The following RIMS1 variants were observed in gnomAD, a reference collection of about 807,000 sequenced individuals.
RIMS1 encodes regulating synaptic membrane exocytosis protein 1.
Under a neutral mutation model 214.1 loss-of-function variants are expected in RIMS1, and 83 were observed. The observed-to-expected ratio is 0.39, with a 90% CI of 0.32 to 0.47. The LOEUF (loss-of-function observed/expected upper bound fraction) is 0.47, where lower values mean the gene tolerates loss of function less well. Among genes scored for constraint, RIMS1 ranks in the 20% least tolerant of loss-of-function variants. RIMS1 has a pLI of 0.99. For missense variants in RIMS1, 2,050 were observed against 2,161.8 expected (o/e 0.95, Z 1.03); for synonymous variants, 793 against 786.8 (o/e 1.01, Z -0.13).
chr6:72,296,583 A>G (rs1301649764), intron 26 of RIMS1, among the ~76,000 whole-genome samples: 3 of 151,964 alleles, frequency 2.0e-5, no homozygotes, highest in East Asian at 3.8e-4. Context: ...CCCTACAGTC[A>G]TATGCTGCCC....
At chr6:71,906,526 A>G (rs1288695631) in intron 1 of RIMS1, among the ~76,000 whole-genome samples, 1 of 152,194 alleles carries the variant, frequency 6.6e-6, no homozygotes, top group Non-Finnish European at 1.5e-5. Flanking sequence ...CAGAACTGGG[A>G]AACAAAGTTA....
intron 2 of RIMS1, among the ~76,000 whole-genome samples, chr6:72,024,313 T>C (rs574879677): frequency 2.6e-5 from 4 of 152,308 alleles, no homozygotes; most frequent in Admixed American, 6.5e-5. Context: ...TAGTTTTCTC[T>C]AGCAAGATGC....
chr6:71,964,864 G>A (rs1793992487), intron 1 of RIMS1, among the ~76,000 whole-genome samples: 1 of 152,150 alleles, frequency 6.6e-6, no homozygotes. Context: ...TTGAAGAATG[G>A]CATGAAGCAC....
chr6:72,244,622 G>T (rs1309202969), intron 10 of RIMS1, among the ~76,000 whole-genome samples: 2 of 151,450 alleles, frequency 1.3e-5, no homozygotes, highest in Admixed American at 1.3e-4. Flanking sequence ...TGTGTTTTGG[G>T]TATTGTAAAT....
rs1219641063 is a variant in RIMS1 at position 72,163,007 on chromosome 6, C to T, written c.472-16568C>T. Among the ~76,000 whole-genome samples, 7 of 131,198 alleles carry T rather than the reference C, an allele frequency of 5.3e-5. 2 individuals are homozygous for T. Among genetic ancestry groups the T allele is most frequent in the Admixed American group, 3.8e-4 (5 of 13,090 alleles). The allele number at this position is 131,198 out of a possible 152,430, so 86.1% of individuals were successfully genotyped here. A position where few individuals can be genotyped will look rare whatever the true frequency, so the allele number is the denominator to read the frequency against. On this transcript the variant is annotated intron_variant, in intron 4 of 33. Coordinates refer to ENST00000521978, the MANE Select transcript of RIMS1 (RefSeq NM_014989.7). ...TTTTCCAACTTGGTTCCATGCTCCC[C>T]GTGACTTTCAGGTATACCTATCAGA... is the stretch of plus-strand genomic sequence containing the variant.
chr6:72,023,184 T>G (rs774679035), intron 2 of RIMS1, among the ~76,000 whole-genome samples: 3 of 152,166 alleles, frequency 2.0e-5, no homozygotes, highest in Non-Finnish European at 4.4e-5. Context: ...ATTACCCAAA[T>G]CATGCAAAAG....
chr6:71,926,777 T>A (rs2150840814), intron 1 of RIMS1, among the ~76,000 whole-genome samples: 1 of 152,310 alleles, frequency 6.6e-6, no homozygotes, highest in Middle Eastern at 3.4e-3. Context: ...ATGATGTGAA[T>A]TTTAACTACA....
intron 8 of RIMS1, among the ~76,000 whole-genome samples, chr6:72,236,573 A>C (rs988837805): frequency 6.6e-6 from 1 of 152,104 alleles, no homozygotes; most frequent in Non-Finnish European, 1.5e-5. Flanking sequence ...TTTAATGTAA[A>C]CAGTGTCAAA....
At chr6:72,110,078 A>T (rs2035719465) in intron 4 of RIMS1, among the ~76,000 whole-genome samples, 2 of 152,164 alleles carry the variant, frequency 1.3e-5, no homozygotes, top group Admixed American at 1.3e-4. Context: ...TTTTGGTACC[A>T]GTAGCATGCT....
At chr6:72,136,589 T>C (rs929971892) in intron 4 of RIMS1, among the ~76,000 whole-genome samples, 2 of 152,096 alleles carry the variant, frequency 1.3e-5, no homozygotes, top group African/African-American at 4.8e-5. Flanking sequence ...TAACAAATTT[T>C]TGGACGTGAA....
At chr6:72,008,838 C>A (rs1015518319) in intron 2 of RIMS1, among the ~76,000 whole-genome samples, 1 of 150,998 alleles carries the variant, frequency 6.6e-6, no homozygotes, top group Admixed American at 6.6e-5. Flanking sequence ...TCCTTAGAGA[C>A]CTACAAAGAG....
chr6:72,387,226 A>G (rs1264062747), intron 29 of RIMS1, among the ~76,000 whole-genome samples: 1 of 152,218 alleles, frequency 6.6e-6, no homozygotes, highest in East Asian at 1.9e-4. Flanking sequence ...TGAACCCGCC[A>G]TATTGTTGAT....
At chr6:71,914,674 G>A (rs994010850) in intron 1 of RIMS1, among the ~76,000 whole-genome samples, 10 of 152,172 alleles carry the variant, frequency 6.6e-5, no homozygotes, top group African/African-American at 2.2e-4. Context: ...TAAAACCACC[G>A]AATCGAGAAA....
intron 2 of RIMS1, among the ~76,000 whole-genome samples, chr6:72,039,032 A>C (rs1264335715): frequency 1.3e-5 from 2 of 152,192 alleles, no homozygotes; most frequent in Non-Finnish European, 2.9e-5. Context: ...ATAGGATTTC[A>C]CTGACAATTC....
chr6:72,134,818 C>T (rs1052470260), intron 4 of RIMS1, among the ~76,000 whole-genome samples: 7 of 152,200 alleles, frequency 4.6e-5, no homozygotes, highest in African/African-American at 1.4e-4. Context: ...TCCCTCATCT[C>T]AAGGACAACA....
chr6:72,238,517 A>G (rs949814756), intron 9 of RIMS1, among the ~76,000 whole-genome samples: 2 of 152,172 alleles, frequency 1.3e-5, no homozygotes, highest in East Asian at 1.9e-4. Flanking sequence ...ACTGAACATG[A>G]CACAATGAAA....
chr6:72,100,499 T>C (rs1379225222), intron 4 of RIMS1, among the ~76,000 whole-genome samples: 2 of 152,026 alleles, frequency 1.3e-5, no homozygotes, highest in African/African-American at 4.8e-5. Context: ...CTCCTATGAA[T>C]ATGAATAACT....
At chr6:72,227,085 A>G (rs547973801) in intron 6 of RIMS1, among the ~76,000 whole-genome samples, 1 of 152,160 alleles carries the variant, frequency 6.6e-6, no homozygotes, top group South Asian at 2.1e-4. Flanking sequence ...CTCGGAGTAC[A>G]AAGTTCTTTT....
intron 6 of RIMS1, among the ~76,000 whole-genome samples, chr6:72,207,966 A>G (rs2053207442): frequency 6.6e-6 from 1 of 152,196 alleles, no homozygotes; most frequent in African/African-American, 2.4e-5. Flanking sequence ...GCCTGGATAA[A>G]TCAAGACTTA....
Sources: gnomAD v4.1 joint callset for allele counts (sites outside exome capture counted in the v4.1 genomes callset) on GRCh38, gnomAD v4.1.1 for gene constraint, MANE v1.5 for transcripts, NCBI Gene and HGNC (gene_info 2026-07-23, HGNC 2026-07-21) for gene names.